Variants in CACNB2 observed in about 807,000 individuals in gnomAD.
The protein encoded by CACNB2 is voltage-dependent L-type calcium channel subunit beta-2.
A neutral mutation model predicts 73.3 loss-of-function variants in CACNB2; 42 were observed. The observed-to-expected ratio is 0.57, with a 90% CI of 0.45 to 0.74. CACNB2 has a LOEUF of 0.74. Among genes scored for constraint, CACNB2 ranks in the 30% least tolerant of loss-of-function variants. The probability of loss-of-function intolerance (pLI) is 0.00; values close to 1 mark genes in which losing one functional copy is unlikely to be tolerated. For synonymous variants in CACNB2, 348 were observed against 310.3 expected (o/e 1.12, Z -1.28); for missense variants, 940 against 853.0 (o/e 1.10, Z -1.27).
At chr10:18,357,069 C>A (rs2041951604) in intron 2 of CACNB2, among the ~76,000 whole-genome samples, 3 of 149,748 alleles carry the variant, frequency 2.0e-5, no homozygotes, top group African/African-American at 7.4e-5. Flanking sequence ...CTCAGCCTCC[C>A]GTGTAGCTGG....
intron 5 of CACNB2, among the ~76,000 whole-genome samples, chr10:18,503,347 A>C (rs1474258826): frequency 6.6e-6 from 1 of 152,220 alleles, no homozygotes; most frequent in Admixed American, 6.5e-5. Context: ...CTGTAATCCC[A>C]GCACTTTGGG....
At chr10:18,271,168 G>A (rs1246427139) in intron 2 of CACNB2, among the ~76,000 whole-genome samples, 1 of 152,186 alleles carries the variant, frequency 6.6e-6, no homozygotes, top group African/African-American at 2.4e-5. Flanking sequence ...GAGAAATTTG[G>A]TTGATATGCA....
In CACNB2 at chr10:18,410,792, C is replaced by T. The variant is rs564777926; in HGVS notation, c.333+8749C>T. Among the ~76,000 whole-genome samples the T allele has an allele frequency of 5.9e-5, 9 of 152,160 alleles. No individual in the cohort carries two copies. In the South Asian group the frequency reaches 1.9e-3, roughly 32 times the overall value. On this transcript the variant is annotated intron_variant, in intron 3 of 13. Coordinates refer to ENST00000324631, the MANE Select transcript of CACNB2 (RefSeq NM_201596.3). ...GTCAGGAGTTTGAGAGCAGCCTGGC[C>T]AGCATGGTGAAACCCCATCTCTACT...
chr10:18,442,659 T>C (rs1304933471), intron 3 of CACNB2, among the ~76,000 whole-genome samples: 2 of 150,760 alleles, frequency 1.3e-5, no homozygotes, highest in African/African-American at 2.4e-5. Flanking sequence ...ACCCCGTCTC[T>C]ACTAAAAATA....
rs78697157 is a variant in CACNB2 at position 18,275,437 on chromosome 10, A to T, written c.213+124462A>T. Among the ~76,000 whole-genome samples the T allele has an allele frequency of 7.7e-3, 1,173 of 152,288 alleles. 6 individuals are homozygous for T. The highest frequency in any genetic ancestry group is 0.038 in the Middle Eastern group (11 of 292). On this transcript the variant is annotated intron_variant, in intron 2 of 13. Coordinates refer to ENST00000324631, the MANE Select transcript of CACNB2 (RefSeq NM_201596.3). ...TTTGAATATCAGCTTCTAGGAGCTGATGGAAGAGTATGCACAGAATATTAG... is the reference window on the plus strand; with the variant it reads ...TTTGAATATCAGCTTCTAGGAGCTGTTGGAAGAGTATGCACAGAATATTAG...
intron 3 of CACNB2, among the ~76,000 whole-genome samples, chr10:18,460,427 GGACT>G (rs746846306): frequency 3.9e-5 from 6 of 151,990 alleles, no homozygotes; most frequent in African/African-American, 1.5e-4. Flanking sequence ...TAGTTAAGTA[GGACT>G]GACTTTTTCT....
chr10:18,433,124 G>T (rs536422325), intron 3 of CACNB2, among the ~76,000 whole-genome samples: 6 of 148,572 alleles, frequency 4.0e-5, no homozygotes, highest in Admixed American at 3.4e-4. Context: ...TGCGTGTATT[G>T]ATATATATAT....
intron 3 of CACNB2, among the ~76,000 whole-genome samples, chr10:18,474,951 C>T (rs962537254): frequency 6.6e-6 from 1 of 151,510 alleles, no homozygotes; most frequent in African/African-American, 2.4e-5. Context: ...TCCAGGTTAT[C>T]CTCAACTTCT....
At chr10:18,435,065 TA>T (rs1433975679) in intron 3 of CACNB2, among the ~76,000 whole-genome samples, 3 of 152,170 alleles carry the variant, frequency 2.0e-5, no homozygotes. Context: ...GGAGCCCACG[TA>T]GATGCCTTCT....
intron 2 of CACNB2, among the ~76,000 whole-genome samples, chr10:18,375,200 G>A (rs887723898): frequency 6.6e-6 from 1 of 152,126 alleles, no homozygotes; most frequent in Non-Finnish European, 1.5e-5. Context: ...AACAGAGCAA[G>A]ACCCTGTCTC....
At chr10:18,184,218 G>A (rs1271405082) in intron 2 of CACNB2, among the ~76,000 whole-genome samples, 1 of 152,186 alleles carries the variant, frequency 6.6e-6, no homozygotes, top group Non-Finnish European at 1.5e-5. Context: ...ATTAAAACCT[G>A]CAAGAGAAAG....
chr10:18,145,552 C>G (rs1326558787), intron 1 of CACNB2, among the ~76,000 whole-genome samples: 1 of 151,662 alleles, frequency 6.6e-6, no homozygotes, highest in Admixed American at 6.6e-5. Context: ...TTTTATTTTT[C>G]TCTCTCTTTT....
chr10:18,527,637 G>A lies in CACNB2; in HGVS notation c.994G>A (p.Val332Ile), dbSNP rs369543094. Residue 332 changes from valine (V) to isoleucine (I), a missense_variant, in exon 10 of 14, where the codon GTA becomes ATA. Physicochemically the swap from Val to Ile is conservative, Grantham distance 29 (BLOSUM62 3). Coordinates refer to ENST00000324631, the MANE Select transcript of CACNB2 (RefSeq NM_201596.3). ...TADISLAKRSVLNNPSKHAII... is the reference protein window; with the variant it reads ...TADISLAKRSILNNPSKHAII... ...TGACATCTCGCTTGCCAAACGCTCG[G>A]TATTAAACAATCCCAGTAAGCACGC... 1.9e-6 allele frequency: 3 copies of A among 1,613,830 alleles called. No homozygotes were observed. In the South Asian group the frequency reaches 3.3e-5, roughly 18 times the overall value.
chr10:18,401,228 C>G, intron 2 of CACNB2: 1 of 1,116,026 alleles, frequency 9.0e-7, no homozygotes, highest in Non-Finnish European at 1.3e-6. Context: ...GAGAGGGAAG[C>G]TAGGGAGATT....
At chr10:18,447,551 A>G (rs976181979) in intron 3 of CACNB2, among the ~76,000 whole-genome samples, 2 of 152,212 alleles carry the variant, frequency 1.3e-5, no homozygotes, top group Non-Finnish European at 2.9e-5. Context: ...CTAGAATAGG[A>G]CTTTGCAGAG....
chr10:18,460,904 A>T (rs2047538917), intron 3 of CACNB2, among the ~76,000 whole-genome samples: 1 of 136,418 alleles, frequency 7.3e-6, no homozygotes, highest in Admixed American at 7.5e-5. Flanking sequence ...AAAAAAAAAA[A>T]TCCACTTTTT....
chr10:18,444,596 G>GA, intron 3 of CACNB2, among the ~76,000 whole-genome samples: 1 of 152,234 alleles, frequency 6.6e-6, no homozygotes, highest in South Asian at 2.1e-4. Context: ...CCACAGCTAG[G>GA]AAAAAAGTAA....
intron 2 of CACNB2, among the ~76,000 whole-genome samples, chr10:18,152,704 C>A (rs1281937587): frequency 1.3e-4 from 8 of 59,760 alleles, no homozygotes; most frequent in Admixed American, 2.3e-4. Flanking sequence ...GGACCTGAAA[C>A]AGACCAAAAA....
chr10:18,428,088 T>A (rs570586158), intron 3 of CACNB2, among the ~76,000 whole-genome samples: 38 of 152,130 alleles, frequency 2.5e-4, no homozygotes, highest in Non-Finnish European at 5.0e-4. Flanking sequence ...TTCATTTTGA[T>A]TTTTTTATTG....
Sources: gnomAD v4.1 joint callset for allele counts (sites outside exome capture counted in the v4.1 genomes callset) on GRCh38, gnomAD v4.1.1 for gene constraint, MANE v1.5 for transcripts, NCBI Gene and HGNC (gene_info 2026-07-23, HGNC 2026-07-21) for gene names.